Variants in SEMA5A observed in about 807,000 individuals in gnomAD.
SEMA5A encodes the protein semaphorin-5A.
A neutral mutation model predicts 135.5 loss-of-function variants in SEMA5A; 55 were observed. That is an observed-to-expected ratio of 0.41 (90% CI 0.33 to 0.51). The LOEUF is 0.51. Among genes scored for constraint, SEMA5A ranks in the 20% least tolerant of loss-of-function variants. The probability of loss-of-function intolerance (pLI) is 0.37; values close to 1 mark genes in which losing one functional copy is unlikely to be tolerated. For synonymous variants in SEMA5A, 580 were observed against 546.5 expected (o/e 1.06, Z -0.85); for missense variants, 1,290 against 1,419.9 (o/e 0.91, Z 1.47).
At chr5:9,114,778 G>A (rs1353336020) in intron 15 of SEMA5A, among the ~76,000 whole-genome samples, 1 of 152,134 alleles carries the variant, frequency 6.6e-6, no homozygotes, top group Non-Finnish European at 1.5e-5. Context: ...CACTTTTAAT[G>A]GCAAAAGATG....
chr5:9,529,367 C>T (rs114889142), intron 1 of SEMA5A, among the ~76,000 whole-genome samples: 1,593 of 152,336 alleles, frequency 0.01, 26 homozygotes, highest in African/African-American at 0.036. Context: ...GGCCAGCCCT[C>T]GTGGGCAGCC....
chr5:9,215,004 G>T (rs561620791), intron 8 of SEMA5A, among the ~76,000 whole-genome samples: 1 of 152,290 alleles, frequency 6.6e-6, no homozygotes, highest in African/African-American at 2.4e-5. Flanking sequence ...AGGGAGCGAT[G>T]CACAGTGGAC....
intron 8 of SEMA5A, among the ~76,000 whole-genome samples, chr5:9,207,912 GATA>G (rs200065598): frequency 1.0e-5 from 1 of 99,720 alleles, no homozygotes; most frequent in African/African-American, 4.1e-5. Flanking sequence ...TAGATAGATA[GATA>G]ATAGATAGAT....
At chr5:9,151,789 T>TA (rs1219177665) in intron 12 of SEMA5A, among the ~76,000 whole-genome samples, 1 of 152,226 alleles carries the variant, frequency 6.6e-6, no homozygotes, top group East Asian at 1.9e-4. Context: ...AAAATGAAGT[T>TA]ACGATTTCTT....
chr5:9,353,216 GAAAGGAAAGGA>G (rs1369624922), intron 3 of SEMA5A, among the ~76,000 whole-genome samples: 13 of 136,542 alleles, frequency 9.5e-5, no homozygotes, highest in African/African-American at 3.5e-4. Flanking sequence ...GAAAGGAAAG[GAAAGGAAAGGA>G]AAGGAAAGGA....
intron 3 of SEMA5A, among the ~76,000 whole-genome samples, chr5:9,351,067 T>C (rs534392453): frequency 6.6e-6 from 1 of 152,226 alleles, no homozygotes; most frequent in East Asian, 1.9e-4. Context: ...GTCAGAAATA[T>C]ATAGAAATCA....
chr5:9,186,132 T>C (rs1744795881), intron 11 of SEMA5A, among the ~76,000 whole-genome samples: 1 of 152,140 alleles, frequency 6.6e-6, no homozygotes, highest in African/African-American at 2.4e-5. Flanking sequence ...GAGAAAATCT[T>C]CAAAAACCAA....
intron 1 of SEMA5A, among the ~76,000 whole-genome samples, chr5:9,469,774 C>A (rs1432209936): frequency 6.6e-6 from 1 of 152,140 alleles, no homozygotes; most frequent in East Asian, 1.9e-4. Flanking sequence ...TCAAGGCAAC[C>A]TTCAGCATGC....
At chr5:9,462,303 T>C (rs1000240165) in intron 1 of SEMA5A, among the ~76,000 whole-genome samples, 16 of 152,148 alleles carry the variant, frequency 1.1e-4, no homozygotes, top group Non-Finnish European at 2.2e-4. Flanking sequence ...AGAATGGCTA[T>C]TATTAAAAAG....
In SEMA5A at chr5:9,237,822, T is replaced by C. The variant is rs1198286736; in HGVS notation, c.333+6A>G. ...TGATGGCTGCTCATAATTGCATTCTTCTTACCTTTGATTTGCCTTTGCTGT... is the reference window on the plus strand; with the variant it reads ...TGATGGCTGCTCATAATTGCATTCTCCTTACCTTTGATTTGCCTTTGCTGT... On this transcript the variant is annotated splice_donor_region_variant and intron_variant, in intron 6 of 22. Coordinates refer to ENST00000382496, the MANE Select transcript of SEMA5A (RefSeq NM_003966.3). 8.7e-6 allele frequency: 14 copies of C among 1,613,486 alleles called. No individual in the cohort carries two copies. Among genetic ancestry groups the C allele is most frequent in the Admixed American group, 1.7e-5 (1 of 59,996 alleles).
chr5:9,077,813 C>G (rs1239358421), intron 16 of SEMA5A, among the ~76,000 whole-genome samples: 1 of 152,198 alleles, frequency 6.6e-6, no homozygotes, highest in East Asian at 1.9e-4. Flanking sequence ...CTGGGTTCTT[C>G]TAAGTGCAGA....
intron 11 of SEMA5A, among the ~76,000 whole-genome samples, chr5:9,163,201 A>C (rs1001371170): frequency 6.6e-6 from 1 of 151,998 alleles, no homozygotes; most frequent in Non-Finnish European, 1.5e-5. Flanking sequence ...TCCCATTTCT[A>C]TGGGCTCATG....
At chr5:9,160,851 C>A (rs2150280003) in intron 11 of SEMA5A, among the ~76,000 whole-genome samples, 1 of 152,284 alleles carries the variant, frequency 6.6e-6, no homozygotes, top group Non-Finnish European at 1.5e-5. Context: ...AAAGTTTGCA[C>A]ACTGTCACAC....
intron 1 of SEMA5A, chr5:9,498,842 G>A (rs557720805): frequency 8.5e-5 from 13 of 152,300 alleles, no homozygotes; most frequent in African/African-American, 2.9e-4. Context: ...CATGATTTGG[G>A]CTGGGTTAGG....
rs1457957405 is a variant in SEMA5A at position 9,472,946 on chromosome 5, G to A, written c.-174-35094C>T. On this transcript the variant is annotated intron_variant, in intron 1 of 22. Coordinates refer to ENST00000382496, the MANE Select transcript of SEMA5A (RefSeq NM_003966.3). ...GCATATAAAGTGAAATCCTTTAAAA[G>A]CAGAATTTTAACAACTGCATAATAT... 2.7e-5 allele frequency among the ~76,000 whole-genome samples: 4 copies of A among 150,276 alleles called. No individual in the cohort carries two copies. In the East Asian group the frequency reaches 7.8e-4, roughly 29 times the overall value.
chr5:9,246,426 A>G (rs1183521395), intron 5 of SEMA5A, among the ~76,000 whole-genome samples: 2 of 152,148 alleles, frequency 1.3e-5, no homozygotes, highest in Non-Finnish European at 2.9e-5. Flanking sequence ...ATCTAATGTT[A>G]TATTTTCTCT....
chr5:9,355,344 A>G (rs1754393775), intron 3 of SEMA5A, among the ~76,000 whole-genome samples: 1 of 152,150 alleles, frequency 6.6e-6, no homozygotes, highest in Admixed American at 6.5e-5. Flanking sequence ...AGCATGGGGA[A>G]TGGTCTGCAG....
chr5:9,115,223 A>G (rs1449343503), intron 15 of SEMA5A, among the ~76,000 whole-genome samples: 2 of 152,180 alleles, frequency 1.3e-5, no homozygotes, highest in African/African-American at 4.8e-5. Flanking sequence ...AACCCTGCAC[A>G]TTCTACTGAC....
chr5:9,454,152 C>G (rs1282260222), intron 1 of SEMA5A, among the ~76,000 whole-genome samples: 3 of 152,192 alleles, frequency 2.0e-5, no homozygotes, highest in African/African-American at 7.2e-5. Flanking sequence ...CAAATCTGTA[C>G]CATTGACAGG....
Sources: gnomAD v4.1 joint callset for allele counts (sites outside exome capture counted in the v4.1 genomes callset) on GRCh38, gnomAD v4.1.1 for gene constraint, MANE v1.5 for transcripts, NCBI Gene and HGNC (gene_info 2026-07-23, HGNC 2026-07-21) for gene names.